Variants in NMNAT3 observed in about 807,000 individuals in gnomAD.
NMNAT3 encodes nicotinamide/nicotinic acid mononucleotide adenylyltransferase 3.
A neutral mutation model predicts 24.8 loss-of-function variants in NMNAT3; 21 were observed. The observed-to-expected ratio is 0.85, with a 90% CI of 0.60 to 1.22. The LOEUF is 1.22. Ranked by LOEUF, NMNAT3 falls within the 50% of genes most tolerant of loss-of-function variation. NMNAT3 has a pLI of 0.00. For synonymous variants in NMNAT3, 136 were observed against 155.2 expected (o/e 0.88, Z 0.92); for missense variants, 387 against 436.6 (o/e 0.89, Z 1.01).
chr3:139,561,878 A>C (rs1485906797), intron 6 of NMNAT3, among the ~76,000 whole-genome samples: 2 of 152,192 alleles, frequency 1.3e-5, no homozygotes, highest in Non-Finnish European at 2.9e-5. Flanking sequence ...CAATCTCACT[A>C]TAAAGATTAA....
chr3:139,594,515 A>G (rs1280481679), intron 3 of NMNAT3, among the ~76,000 whole-genome samples: 1 of 152,254 alleles, frequency 6.6e-6, no homozygotes, highest in Non-Finnish European at 1.5e-5. Context: ...ACAAAAAAAG[A>G]GAATTTTAGA....
Position 139,677,861 on chromosome 3 carries a change from T to A in NMNAT3, c.-297A>T, listed in dbSNP as rs1410635396. The A allele has an allele frequency of 6.6e-6, 1 of 152,218 alleles. No homozygotes were observed. The highest frequency in any genetic ancestry group is 1.5e-5 in the Non-Finnish European group (1 of 68,084). 9.4% of individuals were successfully genotyped at this position (152,218 alleles called of 1,614,324 possible). On this transcript the variant is annotated 5_prime_UTR_variant, in exon 1 of 7. Transcript: ENST00000643695. ...GACGTTTGGTCTCGGGACTCAAGGC[T>A]GCCTCCGGCCCGGGCAGCCTCAGGT... is the stretch of plus-strand genomic sequence containing the variant.
chr3:139,596,916 GTATATA>G lies in NMNAT3; in HGVS notation c.110-13714_110-13709del, dbSNP rs58824425. ...TTTCCACTATATTTTTGTCATGTGT[GTATATA>G]TATATATATATATATATATATATAT... is the stretch of plus-strand genomic sequence containing the variant. On this transcript the variant is annotated intron_variant, in intron 3 of 6. Transcript: ENST00000643695. Among the ~76,000 whole-genome samples the G allele has an allele frequency of 9.8e-3, 953 of 97,054 alleles. 38 individuals carry two copies. The highest frequency in any genetic ancestry group is 0.014 in the Middle Eastern group (2 of 140). 63.7% of individuals were successfully genotyped at this position (97,054 alleles called of 152,430 possible). A position where few individuals can be genotyped will look rare whatever the true frequency, so the allele number is the denominator to read the frequency against.
intron 2 of NMNAT3, chr3:139,634,219 G>C (rs1330238805): frequency 1.3e-5 from 2 of 152,266 alleles, no homozygotes. Context: ...GATGTAACGT[G>C]CAAATGCTCA....
intron 3 of NMNAT3, chr3:139,583,636 T>C: frequency 1.0e-6 from 1 of 974,334 alleles, no homozygotes. Context: ...CTAAAACACA[T>C]ATCATCTGAA....
intron 3 of NMNAT3, chr3:139,599,268 C>T: frequency 1.4e-6 from 1 of 700,600 alleles, no homozygotes; most frequent in South Asian, 1.5e-5. Flanking sequence ...TGCTCTGTAG[C>T]ACAGAATGAT....
intron 6 of NMNAT3, chr3:139,569,645 T>G (rs940643358): frequency 2.6e-5 from 4 of 152,242 alleles, no homozygotes; most frequent in Admixed American, 1.3e-4. Context: ...GAAAATTCTT[T>G]TCTTTAAGAA....
At chr3:139,590,734 A>T (rs2054123544) in intron 3 of NMNAT3, among the ~76,000 whole-genome samples, 1 of 152,194 alleles carries the variant, frequency 6.6e-6, no homozygotes, top group African/African-American at 2.4e-5. Flanking sequence ...TGTGAAGGAT[A>T]AAAAGTTAAT....
intron 1 of NMNAT3, among the ~76,000 whole-genome samples, chr3:139,643,761 T>A (rs761891656): frequency 6.6e-6 from 1 of 152,228 alleles, no homozygotes; most frequent in Non-Finnish European, 1.5e-5. Context: ...TTAATAGGTA[T>A]AGACTTTTAG....
chr3:139,583,059 T>C lies in NMNAT3; in HGVS notation c.259A>G (p.Lys87Glu). Residue 87 changes from lysine to glutamate, a missense_variant, in exon 4 of 7, where the codon AAA becomes GAA. Physicochemically the swap from Lys to Glu is moderately conservative, Grantham distance 56 (BLOSUM62 1). Coordinates refer to ENST00000643695, the MANE Select transcript of NMNAT3 (RefSeq NM_001320510.2). ...CAGAACGCTTGTTCTTCAGTTCTTTTGCGTTTAAAAGATGACTTGTCAGGG... is the reference window on the plus strand; with the variant it reads ...CAGAACGCTTGTTCTTCAGTTCTTTCGCGTTTAAAAGATGACTTGTCAGGG... The C allele has an allele frequency of 6.2e-7, 1 of 1,608,058 alleles. No individual in the cohort carries two copies. The highest frequency in any genetic ancestry group is 1.1e-5 in the South Asian group (1 of 89,726).
Position 139,624,260 on chromosome 3 carries a change from C to A in NMNAT3, c.109+3356G>T, listed in dbSNP as rs957923569. 4.6e-5 allele frequency among the ~76,000 whole-genome samples: 7 copies of A among 151,936 alleles called. No individual in the cohort carries two copies. In the East Asian group the frequency reaches 1.4e-3, roughly 29 times the overall value. Reference sequence around the variant, plus strand: ...ATTTTTTATATATTGTTTTCACTTTCATTGAGTTCAAAATGTTTTCTAATT... The same window carrying A: ...ATTTTTTATATATTGTTTTCACTTTAATTGAGTTCAAAATGTTTTCTAATT... On this transcript the variant is annotated intron_variant, in intron 3 of 6. Transcript: ENST00000643695.
At chr3:139,629,683 C>T (rs1305046774) in intron 2 of NMNAT3, among the ~76,000 whole-genome samples, 1 of 152,134 alleles carries the variant, frequency 6.6e-6, no homozygotes, top group Non-Finnish European at 1.5e-5. Flanking sequence ...CAATTTGGCC[C>T]ATGTTATCTC....
In NMNAT3 at chr3:139,561,103, A is replaced by G; in HGVS notation, c.948T>C (p.Ala316=). The change falls in exon 7 of 7, where the codon GCT becomes GCC. Residue 316 remains alanine, a synonymous_variant. Coordinates refer to ENST00000643695, the MANE Select transcript of NMNAT3 (RefSeq NM_001320510.2). Reference sequence around the variant, plus strand: ...CATGGTCCTTGATGTACGTGATGACAGCATCGGGAATCAGGTACTTTACGC... The same window carrying G: ...CATGGTCCTTGATGTACGTGATGACGGCATCGGGAATCAGGTACTTTACGC... The G allele has an allele frequency of 6.2e-7, 1 of 1,614,092 alleles. No homozygotes were observed. Among genetic ancestry groups the G allele is most frequent in the Non-Finnish European group, 8.5e-7 (1 of 1,180,006 alleles).
chr3:139,642,712 T>C (rs1387347379), intron 1 of NMNAT3, among the ~76,000 whole-genome samples: 1 of 152,140 alleles, frequency 6.6e-6, no homozygotes, highest in East Asian at 1.9e-4. Flanking sequence ...TAGAATGGTC[T>C]CCACATTCTT....
intron 2 of NMNAT3, chr3:139,637,037 G>A (rs1369232854): frequency 6.6e-6 from 1 of 152,120 alleles, no homozygotes; most frequent in Non-Finnish European, 1.5e-5. Context: ...GCCCCTAAAG[G>A]TACACAGACG....
intron 1 of NMNAT3, among the ~76,000 whole-genome samples, chr3:139,650,101 A>G (rs997161335): frequency 6.6e-6 from 1 of 152,222 alleles, no homozygotes; most frequent in African/African-American, 2.4e-5. Context: ...TTTACAGGTG[A>G]CAGGTCTCTA....
chr3:139,652,913 A>C (rs185768703), intron 1 of NMNAT3, among the ~76,000 whole-genome samples: 13 of 152,330 alleles, frequency 8.5e-5, no homozygotes, highest in Admixed American at 4.6e-4. Flanking sequence ...GACCAGAGAA[A>C]AGCAGGTATG....
At chr3:139,569,688 TG>T (rs1490929164) in intron 6 of NMNAT3, 2 of 152,252 alleles carry the variant, frequency 1.3e-5, no homozygotes, top group Non-Finnish European at 2.9e-5. Context: ...TCTTCTGGCT[TG>T]TAGAGTTTCT....
intron 3 of NMNAT3, among the ~76,000 whole-genome samples, chr3:139,599,701 C>T (rs542136507): frequency 6.6e-6 from 1 of 152,260 alleles, no homozygotes; most frequent in East Asian, 1.9e-4. Flanking sequence ...GCACCATTGT[C>T]TTTATTTTCC....
Sources: gnomAD v4.1 joint callset for allele counts (sites outside exome capture counted in the v4.1 genomes callset) on GRCh38, gnomAD v4.1.1 for gene constraint, MANE v1.5 for transcripts, NCBI Gene and HGNC (gene_info 2026-07-23, HGNC 2026-07-21) for gene names.